TSC22D3: variants seen among roughly 807,000 people sequenced by gnomAD.
TSC22D3 encodes TSC22 domain family member 3, also known as TSC22 domain family protein 3.
Under a neutral mutation model 11.1 loss-of-function variants are expected in TSC22D3, and 4 were observed. That is an observed-to-expected ratio of 0.36 (90% CI 0.18 to 0.83). The LOEUF is 0.83. Ranked by LOEUF, TSC22D3 falls within the 40% of genes least tolerant of loss-of-function variation. The pLI is 0.48. For synonymous variants in TSC22D3, 77 were observed against 70.3 expected (o/e 1.10, Z -0.48); for missense variants, 118 against 159.4 (o/e 0.74, Z 1.40).
chrX:107,766,418 C>T (rs1371984077), intron 1 of TSC22D3, among the ~76,000 whole-genome samples: 1 of 109,287 alleles, frequency 9.2e-6, no homozygotes, highest in Non-Finnish European at 1.9e-5. Context: ...TCCGGTAAAC[C>T]CTTTCACCTG....
chrX:107,752,117 G>A (rs1352617362), intron 1 of TSC22D3, among the ~76,000 whole-genome samples: 2 of 112,116 alleles, frequency 1.8e-5, no homozygotes, highest in Admixed American at 9.4e-5. Context: ...CCTAAGCAGC[G>A]GCGGGGGGTA....
intron 1 of TSC22D3, among the ~76,000 whole-genome samples, chrX:107,773,612 T>C (rs956582203): frequency 8.9e-6 from 1 of 112,475 alleles, no homozygotes; most frequent in Middle Eastern, 4.2e-3. Flanking sequence ...AAATTCAGCC[T>C]GGTTTATTTT....
intron 1 of TSC22D3, chrX:107,774,865 C>A: frequency 2.3e-6 from 1 of 428,513 alleles, no homozygotes; most frequent in Non-Finnish European, 4.0e-6. Flanking sequence ...TAGGCCCCAG[C>A]GTCCCCATCA....
chrX:107,715,658 C>G lies in TSC22D3; in HGVS notation c.372+241G>C, dbSNP rs183924464. ...AGGCCCAGGAGAGAGTCAGAGCCTGCGGCAAAGACCTGAGATGGAGGAGGG... is the reference window on the plus strand; with the variant it reads ...AGGCCCAGGAGAGAGTCAGAGCCTGGGGCAAAGACCTGAGATGGAGGAGGG... On this transcript the variant is annotated intron_variant, in intron 2 of 2. Coordinates refer to ENST00000372383, the MANE Select transcript of TSC22D3 (RefSeq NM_198057.3). The G allele has an allele frequency of 3.6e-5, 16 of 441,362 alleles. No individual in the cohort carries two copies. The Admixed American group carries it at 5.2e-4, about 14-fold the overall frequency. The allele number at this position is 441,362 out of a possible 1,213,427, so 36.4% of individuals were successfully genotyped here. A position where few individuals can be genotyped will look rare whatever the true frequency, so the allele number is the denominator to read the frequency against.
intron 1 of TSC22D3, among the ~76,000 whole-genome samples, chrX:107,742,053 C>T (rs1928422139): frequency 1.8e-5 from 2 of 110,302 alleles, no homozygotes; most frequent in African/African-American, 6.6e-5. Context: ...TCTTTCTTTC[C>T]TTTTTTTAAG....
chrX:107,716,194 C>G, intron 1 of TSC22D3: 1 of 745,000 alleles, frequency 1.3e-6, no homozygotes, highest in South Asian at 3.3e-5. Context: ...CCGATCGGAG[C>G]TGCTTGCGAG....
chrX:107,774,183 G>A (rs780782685), intron 1 of TSC22D3, among the ~76,000 whole-genome samples: 1 of 112,015 alleles, frequency 8.9e-6, no homozygotes, highest in South Asian at 3.7e-4. Flanking sequence ...TGGCGCTAAG[G>A]ACACTAAATC....
intron 1 of TSC22D3, among the ~76,000 whole-genome samples, chrX:107,744,941 A>G (rs1928586526): frequency 8.9e-6 from 1 of 111,891 alleles, no homozygotes; most frequent in African/African-American, 3.2e-5. Context: ...TGTGGGCAAG[A>G]AGATGGTCTC....
intron 1 of TSC22D3, among the ~76,000 whole-genome samples, chrX:107,746,968 T>C (rs1393911635): frequency 1.8e-5 from 2 of 112,918 alleles, no homozygotes; most frequent in African/African-American, 6.4e-5. Context: ...CCTTGGCCTA[T>C]AGACAAGACA....
Position 107,714,311 on chromosome X carries a change from T to C in TSC22D3, c.*208A>G. ...ACTGGCTTGGTGTTACTAGGCCCCA[T>C]GCAACTCAGCCTCCAGAGACCTGCT... On this transcript the variant is annotated 3_prime_UTR_variant, in exon 3 of 3. Transcript: ENST00000372383. 3 of 416,983 alleles carry C rather than the reference T, an allele frequency of 7.2e-6. No individual in the cohort carries two copies. The highest frequency in any genetic ancestry group is 8.3e-5 in the South Asian group (2 of 24,147). The allele number at this position is 416,983 out of a possible 1,213,427, so 34.4% of individuals were successfully genotyped here.
rs139122300 is a variant in TSC22D3, at chrX:107,775,348, G to A, written c.72C>T (p.Ala24=). The A allele has an allele frequency of 9.1e-6, 11 of 1,209,516 alleles. No individual in the cohort carries two copies. The highest frequency in any genetic ancestry group is 1.2e-5 in the Non-Finnish European group (11 of 894,333). Residue 24 remains alanine, a synonymous_variant, in exon 1 of 3, where the codon GCC becomes GCT. Transcript: ENST00000372383. Reference sequence around the variant, plus strand: ...TGCCTCGCTGGAGCCCACTCCGATGGGCCAGGTCCAGGCAGCAGTTGCAGC... The same window carrying A: ...TGCCTCGCTGGAGCCCACTCCGATGAGCCAGGTCCAGGCAGCAGTTGCAGC... ...LDCCNCCLDL[A]HRSGLQRGSS... is the part of the protein sequence containing the mutation.
At chrX:107,716,165 C>T in intron 1 of TSC22D3, 1 of 668,394 alleles carries the variant, frequency 1.5e-6, no homozygotes, top group Non-Finnish European at 2.1e-6. Flanking sequence ...AGCGCTGCTG[C>T]CGCCGCCCCG....
chrX:107,720,299 T>C (rs948113114), intron 1 of TSC22D3, among the ~76,000 whole-genome samples: 15 of 111,546 alleles, frequency 1.3e-4, no homozygotes, highest in African/African-American at 4.2e-4. Context: ...TGAGATGTGA[T>C]CACCCTGAGA....
intron 1 of TSC22D3, among the ~76,000 whole-genome samples, chrX:107,720,328 G>A (rs909314001): frequency 8.9e-6 from 1 of 111,871 alleles, no homozygotes; most frequent in African/African-American, 3.3e-5. Context: ...TCCTCCATTA[G>A]GAAAGAATGA....
chrX:107,737,904 C>T (rs1179579203), intron 1 of TSC22D3, among the ~76,000 whole-genome samples: 1 of 111,975 alleles, frequency 8.9e-6, no homozygotes, highest in Non-Finnish European at 1.9e-5. Flanking sequence ...TAAGTGTGTG[C>T]CATCGTGTGG....
chrX:107,763,409 A>G (rs968752777), intron 1 of TSC22D3, among the ~76,000 whole-genome samples: 3 of 111,189 alleles, frequency 2.7e-5, no homozygotes, highest in East Asian at 2.8e-4. Flanking sequence ...GGCAGGTGAT[A>G]CCCACCATTT....
Position 107,714,571 on chromosome X carries a change from G to T in TSC22D3, c.551C>A (p.Pro184Gln), listed in dbSNP as rs1926908506. 1 of 1,211,646 alleles carries T rather than the reference G, an allele frequency of 8.3e-7. No individual in the cohort carries two copies. The highest frequency in any genetic ancestry group is 1.1e-6 in the Non-Finnish European group (1 of 895,487). The change falls in exon 3 of 3, where the codon CCA becomes CAA. Residue 184 changes from proline to glutamine, a missense_variant. By Grantham distance (76) the Pro-to-Gln change is moderately conservative (BLOSUM62 -1). Coordinates refer to ENST00000372383, the MANE Select transcript of TSC22D3 (RefSeq NM_198057.3). ...KFQSCLSPEE[P>Q]APESPQVPEA... ...GGGCACTTGTGGGGATTCGGGAGCT[G>T]GCTCTTCAGGGCTCAGACAGGACTG... is the stretch of plus-strand genomic sequence containing the variant.
intron 1 of TSC22D3, among the ~76,000 whole-genome samples, chrX:107,770,958 A>C (rs1929883006): frequency 8.9e-6 from 1 of 112,236 alleles, no homozygotes; most frequent in Non-Finnish European, 1.9e-5. Flanking sequence ...GTCCCCTAAC[A>C]ACAGGGTGAC....
chrX:107,733,899 G>A (rs1928003637), intron 1 of TSC22D3, among the ~76,000 whole-genome samples: 1 of 111,744 alleles, frequency 8.9e-6, no homozygotes, highest in Non-Finnish European at 1.9e-5. Flanking sequence ...CCACCTCTAG[G>A]TTCGGCAGGC....
Sources: allele counts gnomAD v4.1 joint callset (sites outside exome capture counted in the v4.1 genomes callset), GRCh38; gene constraint gnomAD v4.1.1; transcripts MANE v1.5; gene names NCBI Gene and HGNC (gene_info 2026-07-23, HGNC 2026-07-21).